MACROD2: variants seen among roughly 807,000 people sequenced by gnomAD.
The protein encoded by MACROD2 is ADP-ribose glycohydrolase MACROD2.
A neutral mutation model predicts 70.4 loss-of-function variants in MACROD2; 36 were observed. The ratio of observed to expected loss-of-function variants is 0.51; its 90% CI spans 0.39 to 0.68. The LOEUF (loss-of-function observed/expected upper bound fraction) is 0.68. MACROD2 is among the 30% of genes least tolerant of loss of function. The pLI is 0.00. For missense variants in MACROD2, 496 were observed against 538.4 expected (o/e 0.92, Z 0.78); for synonymous variants, 172 against 178.8 (o/e 0.96, Z 0.30).
chr20:14,732,399 T>C (rs2123704819), intron 5 of MACROD2, among the ~76,000 whole-genome samples: 1 of 152,252 alleles, frequency 6.6e-6, no homozygotes, highest in East Asian at 1.9e-4. Flanking sequence ...CCTTGAACTG[T>C]TGTTTTAGGA....
intron 5 of MACROD2, among the ~76,000 whole-genome samples, chr20:14,843,285 T>C (rs557618543): frequency 7.9e-5 from 12 of 151,640 alleles, no homozygotes; most frequent in Middle Eastern, 6.8e-3. Flanking sequence ...TATTAGAGCT[T>C]TTCTATAAAT....
At chr20:15,381,194 C>T (rs146391350) in intron 6 of MACROD2, among the ~76,000 whole-genome samples, 100 of 152,162 alleles carry the variant, frequency 6.6e-4, no homozygotes, top group African/African-American at 2.3e-3. Flanking sequence ...AAACTTCATA[C>T]ATGTGTGTAT....
intron 3 of MACROD2, among the ~76,000 whole-genome samples, chr20:14,254,894 C>G (rs2082040477): frequency 6.6e-6 from 1 of 151,992 alleles, no homozygotes; most frequent in Non-Finnish European, 1.5e-5. Flanking sequence ...TTGTTCCTTT[C>G]CATGTTTAGT....
At chr20:15,159,635 T>TC (rs11087124) in intron 5 of MACROD2, among the ~76,000 whole-genome samples, 144,441 of 152,108 alleles carry the variant, frequency 0.95, 68,694 homozygotes, top group East Asian at 1. Flanking sequence ...TTGATTGGTT[T>TC]TTGGTTGATA....
chr20:14,101,772 G>C (rs963670980), intron 3 of MACROD2, among the ~76,000 whole-genome samples: 13 of 150,926 alleles, frequency 8.6e-5, no homozygotes, highest in Non-Finnish European at 1.8e-4. Flanking sequence ...GTCTTTAAGA[G>C]AGACTAAAAG....
At chr20:15,970,598 C>T (rs1447658068) in intron 13 of MACROD2, among the ~76,000 whole-genome samples, 2 of 151,998 alleles carry the variant, frequency 1.3e-5, no homozygotes, top group Non-Finnish European at 2.9e-5. Flanking sequence ...CCAGGGAGAG[C>T]CCAGCAAACT....
chr20:15,995,143 C>A (rs2066610045), intron 15 of MACROD2, among the ~76,000 whole-genome samples: 1 of 151,862 alleles, frequency 6.6e-6, no homozygotes, highest in Non-Finnish European at 1.5e-5. Flanking sequence ...CATCAGTGCA[C>A]CCTACTGCAC....
chr20:15,278,169 T>G (rs74545452), intron 6 of MACROD2, among the ~76,000 whole-genome samples: 5,162 of 152,318 alleles, frequency 0.034, 113 homozygotes, highest in South Asian at 0.082. Context: ...TATTATGTTC[T>G]GAGCTATGGA....
intron 5 of MACROD2, among the ~76,000 whole-genome samples, chr20:14,919,837 A>G (rs1600824301): frequency 6.6e-6 from 1 of 152,250 alleles, no homozygotes; most frequent in East Asian, 1.9e-4. Flanking sequence ...AGAAATAAAT[A>G]GAAACCATTT....
At chr20:14,375,635 T>A (rs2083364430) in intron 3 of MACROD2, among the ~76,000 whole-genome samples, 1 of 152,214 alleles carries the variant, frequency 6.6e-6, no homozygotes, top group Non-Finnish European at 1.5e-5. Context: ...AAATAAGTCC[T>A]GGAGTCTGAG....
intron 5 of MACROD2, among the ~76,000 whole-genome samples, chr20:14,820,587 T>G (rs898255895): frequency 2.0e-5 from 3 of 152,076 alleles, no homozygotes; most frequent in African/African-American, 7.2e-5. Flanking sequence ...TTAACTTAGC[T>G]TCTCATCTAA....
chr20:15,884,951 A>G (rs919184760), intron 9 of MACROD2, among the ~76,000 whole-genome samples: 11 of 152,148 alleles, frequency 7.2e-5, no homozygotes, highest in African/African-American at 2.2e-4. Context: ...TCTCTTTTAT[A>G]AAGACACTAA....
intron 8 of MACROD2, among the ~76,000 whole-genome samples, chr20:15,828,795 A>T (rs1014841705): frequency 2.0e-5 from 3 of 152,222 alleles, no homozygotes; most frequent in African/African-American, 7.2e-5. Flanking sequence ...TTGTTGAAAA[A>T]CTGGTTAACA....
chr20:15,251,435 A>G (rs1480201507), intron 6 of MACROD2, among the ~76,000 whole-genome samples: 1 of 152,236 alleles, frequency 6.6e-6, no homozygotes, highest in African/African-American at 2.4e-5. Flanking sequence ...CACATTTGGC[A>G]CTGCTGAGCA....
intron 5 of MACROD2, among the ~76,000 whole-genome samples, chr20:14,726,007 A>C (rs2071525834): frequency 6.6e-6 from 1 of 152,178 alleles, no homozygotes; most frequent in Non-Finnish European, 1.5e-5. Flanking sequence ...TCATCATTAT[A>C]CCTTTCTTCA....
At chr20:14,823,369 T>C (rs1299780765) in intron 5 of MACROD2, among the ~76,000 whole-genome samples, 1 of 152,140 alleles carries the variant, frequency 6.6e-6, no homozygotes, top group Non-Finnish European at 1.5e-5. Context: ...ACAGAAATCC[T>C]GAAATAATAG....
At chr20:14,629,948 C>T (rs1485183751) in intron 4 of MACROD2, among the ~76,000 whole-genome samples, 2 of 140,388 alleles carry the variant, frequency 1.4e-5, no homozygotes, top group African/African-American at 5.2e-5. Context: ...CTATTATGTG[C>T]TAAGGTCTAT....
At chr20:15,064,704 G>A (rs1252621985) in intron 5 of MACROD2, among the ~76,000 whole-genome samples, 1 of 152,146 alleles carries the variant, frequency 6.6e-6, no homozygotes, top group Non-Finnish European at 1.5e-5. Context: ...ATTTACAGAT[G>A]TGCATAGGAG....
At chr20:15,469,032 G>A (rs970357116) in intron 7 of MACROD2, among the ~76,000 whole-genome samples, 2 of 152,150 alleles carry the variant, frequency 1.3e-5, no homozygotes, top group Admixed American at 6.5e-5. Flanking sequence ...GAATATAGAA[G>A]ATATTTAGGA....
Sources: allele counts gnomAD v4.1 joint callset (sites outside exome capture counted in the v4.1 genomes callset), GRCh38; gene constraint gnomAD v4.1.1; transcripts MANE v1.5; gene names NCBI Gene and HGNC (gene_info 2026-07-23, HGNC 2026-07-21).